OPCML: variants seen among roughly 807,000 people sequenced by gnomAD.
OPCML encodes opioid-binding protein/cell adhesion molecule.
OPCML carries 13 observed loss-of-function variants against 37.8 expected under a neutral mutation model. That is an observed-to-expected ratio of 0.34 (90% confidence interval 0.22 to 0.55). OPCML has a LOEUF of 0.55. OPCML is among the 20% of genes least tolerant of loss of function. The pLI, the probability that OPCML is intolerant of heterozygous loss-of-function variation, is 0.91. For synonymous variants in OPCML, 176 were observed against 168.8 expected, an observed-to-expected ratio of 1.04 and a Z score of -0.33; for missense variants, 341 against 435.6, an observed-to-expected ratio of 0.78 and a Z score of 1.93.
chr11:133,208,910 C>G lies in OPCML; in HGVS notation c.62-265900G>C, dbSNP rs929561360. On this transcript the variant is annotated intron_variant, in intron 1 of 7. Transcript: ENST00000524381. This position sits in a 1 kb window ranked among gnomAD's most constrained non-coding sequence, Gnocchi z 8.9. The stretch of plus-strand genomic sequence containing the variant: ...ACAACCTCCTCTGGTGTCTAAGAAC[C>G]AAACCAACCCACTCTTGGGAGAAGA... 6.6e-6 allele frequency among the ~76,000 whole-genome samples: 1 copy of G among 152,166 alleles called. No homozygotes were observed. The highest frequency in any genetic ancestry group is 6.5e-5 in the Admixed American group (1 of 15,284).
chr11:133,348,704 T>A (rs572016520), intron 1 of OPCML, among the ~76,000 whole-genome samples: 33 of 152,292 alleles, frequency 2.2e-4, no homozygotes, highest in Admixed American at 1.8e-3. Flanking sequence ...TACATCCAGA[T>A]AAAGAAATTA....
rs1419092378 is a variant in OPCML at position 132,942,248 on chromosome 11, C to A, written c.146+678G>T. Among the ~76,000 whole-genome samples the A allele has an allele frequency of 5.3e-5, 8 of 152,302 alleles. No individual in the cohort carries two copies. In the South Asian group the frequency reaches 1.7e-3, roughly 32 times the overall value. On this transcript the variant is annotated intron_variant, in intron 2 of 7. Transcript: ENST00000524381. ...CTCTGCCTGGAGCATGCAAGTGATTCTCTGTAACTCATTAAGGTAAAACAA... is the reference window on the plus strand; with the variant it reads ...CTCTGCCTGGAGCATGCAAGTGATTATCTGTAACTCATTAAGGTAAAACAA...
chr11:132,603,909 T>C lies in OPCML; in HGVS notation c.379+53178A>G, dbSNP rs983362228. On this transcript the variant is annotated intron_variant, in intron 3 of 7. Transcript: ENST00000524381. The stretch of plus-strand genomic sequence containing the variant: ...TAAGATCCAGCTTCCAATTCCTCCC[T>C]GATGGAGTCCCCCAGCACCCGTAAT... Among the ~76,000 whole-genome samples the C allele has an allele frequency of 1.7e-4, 26 of 152,154 alleles. 1 individual carries two copies. The highest frequency in any genetic ancestry group is 1.6e-3 in the Admixed American group (24 of 15,270).
chr11:132,568,788 T>G (rs2096430523), intron 3 of OPCML, among the ~76,000 whole-genome samples: 2 of 152,328 alleles, frequency 1.3e-5, no homozygotes, highest in Non-Finnish European at 1.5e-5. Context: ...ATGGTAGCCC[T>G]GTGAAACTAA....
chr11:133,241,066 G>A (rs965675045), intron 1 of OPCML, among the ~76,000 whole-genome samples: 1 of 152,230 alleles, frequency 6.6e-6, no homozygotes, highest in Admixed American at 6.5e-5. Context: ...TCTTTCTCTC[G>A]ATGAATAAAG....
intron 1 of OPCML, among the ~76,000 whole-genome samples, chr11:133,469,902 T>C (rs558817614): frequency 2.0e-5 from 3 of 152,258 alleles, no homozygotes; most frequent in Non-Finnish European, 4.4e-5. Flanking sequence ...GAAACTTTTC[T>C]GGAACCAACT....
At chr11:132,784,281 A>G (rs150476681) in intron 2 of OPCML, among the ~76,000 whole-genome samples, 43 of 152,244 alleles carry the variant, frequency 2.8e-4, no homozygotes, top group African/African-American at 8.9e-4. Context: ...ACTTCCCTAA[A>G]TTTTGGACCC....
intron 1 of OPCML, among the ~76,000 whole-genome samples, chr11:133,288,771 A>G (rs1942374123): frequency 6.6e-6 from 1 of 152,182 alleles, no homozygotes; most frequent in Admixed American, 6.5e-5. Context: ...ATGAATAGCT[A>G]GAATTGCGAG....
intron 2 of OPCML, among the ~76,000 whole-genome samples, chr11:132,780,848 C>G (rs1225017121): frequency 6.6e-6 from 1 of 152,150 alleles, no homozygotes; most frequent in Non-Finnish European, 1.5e-5. Flanking sequence ...AAATCCATAT[C>G]TAGTCTGTGT....
intron 1 of OPCML, among the ~76,000 whole-genome samples, chr11:133,063,002 C>T (rs1465327814): frequency 1.3e-5 from 2 of 152,268 alleles, no homozygotes; most frequent in South Asian, 2.1e-4. Flanking sequence ...CTGTCCAGTG[C>T]CTCCCATGGC....
intron 2 of OPCML, among the ~76,000 whole-genome samples, chr11:132,661,003 G>A (rs1421871724): frequency 6.6e-6 from 1 of 152,152 alleles, no homozygotes; most frequent in Non-Finnish European, 1.5e-5. Context: ...AACCACTTCA[G>A]GTTGAGGGTG....
At chr11:132,429,064 G>GATGT (rs1273690512) in intron 7 of OPCML, among the ~76,000 whole-genome samples, 1 of 152,048 alleles carries the variant, frequency 6.6e-6, no homozygotes, top group Non-Finnish European at 1.5e-5. Context: ...TGGATGGATG[G>GATGT]ATGGATGGAT....
At chr11:132,947,741 G>A (rs1945777462) in intron 1 of OPCML, among the ~76,000 whole-genome samples, 1 of 152,188 alleles carries the variant, frequency 6.6e-6, no homozygotes, top group African/African-American at 2.4e-5. Flanking sequence ...TGACACGGTG[G>A]CCCCTAGTGA....
At chr11:132,548,772 G>A (rs1437561028) in intron 3 of OPCML, among the ~76,000 whole-genome samples, 4 of 152,138 alleles carry the variant, frequency 2.6e-5, no homozygotes, top group Non-Finnish European at 4.4e-5. Context: ...TGACAGATAG[G>A]TGCCTCCTTG....
chr11:132,560,882 G>A (rs2096409150), intron 3 of OPCML, among the ~76,000 whole-genome samples: 2 of 152,290 alleles, frequency 1.3e-5, no homozygotes, highest in Admixed American at 6.5e-5. Context: ...TAACTTTGCT[G>A]ATTATTTCTT....
intron 3 of OPCML, among the ~76,000 whole-genome samples, chr11:132,594,960 G>A (rs61906399): frequency 0.094 from 14,248 of 151,930 alleles, 842 homozygotes; most frequent in African/African-American, 0.17. Flanking sequence ...ATTTCAAGAC[G>A]TGTGTGTAAT....
chr11:133,437,081 T>G (rs1025720254), intron 1 of OPCML, among the ~76,000 whole-genome samples: 3 of 152,196 alleles, frequency 2.0e-5, no homozygotes, highest in African/African-American at 7.2e-5. Flanking sequence ...ATTGTTTAAG[T>G]TTTTAGCACA....
intron 4 of OPCML, among the ~76,000 whole-genome samples, chr11:132,504,270 G>T (rs2096251732): frequency 6.6e-6 from 1 of 152,254 alleles, no homozygotes; most frequent in South Asian, 2.1e-4. Context: ...CGCCTCCATA[G>T]CTATCTTTAC....
Position 133,218,476 on chromosome 11 carries a change from G to C in OPCML, c.62-275466C>G, listed in dbSNP as rs375433978. On this transcript the variant is annotated intron_variant, in intron 1 of 7. Transcript: ENST00000524381. Reference sequence around the variant, plus strand: ...TTGTCATACAGGAAAGTCATATTTGGATTTTCCAAAAAGAAGCTGAGGTAT... The same window carrying C: ...TTGTCATACAGGAAAGTCATATTTGCATTTTCCAAAAAGAAGCTGAGGTAT... Among the ~76,000 whole-genome samples, 7 of 152,300 alleles carry C rather than the reference G, an allele frequency of 4.6e-5. No homozygotes were observed. The East Asian group carries it at 7.7e-4, about 17-fold the overall frequency.
Sources: allele counts gnomAD v4.1 joint callset (sites outside exome capture counted in the v4.1 genomes callset), GRCh38; gene constraint gnomAD v4.1.1; non-coding constraint Gnocchi (gnomAD v3.1); transcripts MANE v1.5; gene names NCBI Gene and HGNC (gene_info 2026-07-23, HGNC 2026-07-21).